DIP2C: variants seen among roughly 807,000 people sequenced by gnomAD.
DIP2C encodes the protein DIP2 acetate--CoA ligase C (putative), also known as disco-interacting protein 2 homolog C.
In DIP2C, 33 loss-of-function variants were observed where a neutral mutation model predicts 192.4. The observed-to-expected ratio is 0.17, with a 90% CI of 0.13 to 0.23. DIP2C has a LOEUF of 0.23. Ranked by LOEUF, DIP2C falls within the 10% of genes least tolerant of loss-of-function variation. The pLI is 1.00. For missense variants in DIP2C, 1,537 were observed against 2,110.1 expected (o/e 0.73, Z 5.32); for synonymous variants, 979 against 864.1 (o/e 1.13, Z -2.33).
intron 1 of DIP2C, among the ~76,000 whole-genome samples, chr10:685,135 CAAA>C (rs140709069): frequency 1.2e-4 from 9 of 72,942 alleles, no homozygotes; most frequent in Admixed American, 4.0e-4. Flanking sequence ...ACTTGGTCCC[CAAA>C]AAAAAAAAAA....
At chr10:658,056 C>CCTGGACCTGACG (rs1588701354) in intron 1 of DIP2C, among the ~76,000 whole-genome samples, 7 of 147,914 alleles carry the variant, frequency 4.7e-5, no homozygotes, top group Non-Finnish European at 1.5e-5. Flanking sequence ...TGGACCTGTC[C>CCTGGACCTGACG]CTGGACCTGA....
At chr10:302,464 G>A (rs1956097328) in intron 32 of DIP2C, among the ~76,000 whole-genome samples, 1 of 152,166 alleles carries the variant, frequency 6.6e-6, no homozygotes, top group Non-Finnish European at 1.5e-5. Context: ...TGAGGGTGAG[G>A]CTCCTGGGTA....
chr10:455,019 C>T (rs953470318), intron 3 of DIP2C, among the ~76,000 whole-genome samples: 5 of 152,220 alleles, frequency 3.3e-5, no homozygotes, highest in Admixed American at 1.3e-4. Flanking sequence ...CAGCATTACA[C>T]AGTGAGCACA....
chr10:311,746 A>T (rs1956576461), intron 31 of DIP2C, among the ~76,000 whole-genome samples: 1 of 152,196 alleles, frequency 6.6e-6, no homozygotes, highest in Non-Finnish European at 1.5e-5. Flanking sequence ...ATCAAAAACA[A>T]CATCAAATAT....
intron 29 of DIP2C, among the ~76,000 whole-genome samples, chr10:339,312 G>A (rs1294516522): frequency 6.6e-6 from 1 of 152,020 alleles, no homozygotes; most frequent in Non-Finnish European, 1.5e-5. Flanking sequence ...AAGATTCATG[G>A]CTATATTTAT....
At chr10:284,825 A>G (rs556755005) in intron 34 of DIP2C, among the ~76,000 whole-genome samples, 2 of 152,236 alleles carry the variant, frequency 1.3e-5, no homozygotes, top group Non-Finnish European at 2.9e-5. Flanking sequence ...TATACATCAA[A>G]GCATCACAGT....
chr10:434,575 T>G (rs865976219), intron 4 of DIP2C, among the ~76,000 whole-genome samples: 2 of 152,246 alleles, frequency 1.3e-5, no homozygotes, highest in African/African-American at 2.4e-5. Flanking sequence ...ACACAGACTC[T>G]GCTCTTCCTT....
At chr10:291,531 A>G (rs747304519) in intron 32 of DIP2C, among the ~76,000 whole-genome samples, 1 of 152,232 alleles carries the variant, frequency 6.6e-6, no homozygotes, top group Admixed American at 6.5e-5. Flanking sequence ...ACTAGGAGAT[A>G]TATTTGTAAC....
chr10:364,843 G>A (rs1331164300), intron 19 of DIP2C: 4 of 641,092 alleles, frequency 6.2e-6, no homozygotes, highest in Non-Finnish European at 1.2e-5. Flanking sequence ...TCTGAACCCT[G>A]AACAGATAAC....
intron 1 of DIP2C, chr10:664,641 G>T (rs540689335): frequency 1.3e-5 from 2 of 152,290 alleles, no homozygotes; most frequent in African/African-American, 4.8e-5. Flanking sequence ...ACTAAGAGTT[G>T]TAAGGATGAT....
At chr10:501,740 A>G (rs923619365) in intron 1 of DIP2C, among the ~76,000 whole-genome samples, 3 of 152,266 alleles carry the variant, frequency 2.0e-5, no homozygotes, top group Admixed American at 6.5e-5. Context: ...TAGGCACCGC[A>G]ATATCCATTC....
chr10:430,539 A>G (rs1966847154), intron 4 of DIP2C: 1 of 152,126 alleles, frequency 6.6e-6, no homozygotes, highest in Non-Finnish European at 1.5e-5. Context: ...TTGTTTTGTT[A>G]TTGTTGACTT....
intron 1 of DIP2C, among the ~76,000 whole-genome samples, chr10:502,213 C>A (rs1845284556): frequency 6.6e-6 from 1 of 152,040 alleles, no homozygotes; most frequent in Admixed American, 6.6e-5. Flanking sequence ...CCTGATAAGC[C>A]CAATCATTTA....
chr10:318,491 T>C (rs1465712023), intron 31 of DIP2C, among the ~76,000 whole-genome samples: 1 of 152,150 alleles, frequency 6.6e-6, no homozygotes. Flanking sequence ...AGGTGTGGTG[T>C]CCTCACAAGA....
chr10:287,313 G>A (rs1463503272), intron 33 of DIP2C, among the ~76,000 whole-genome samples: 1 of 152,084 alleles, frequency 6.6e-6, no homozygotes, highest in South Asian at 2.1e-4. Context: ...CTTATATAAG[G>A]AATCAAAGGT....
chr10:451,001 C>G (rs368453907), intron 3 of DIP2C, among the ~76,000 whole-genome samples: 6 of 152,132 alleles, frequency 3.9e-5, no homozygotes, highest in African/African-American at 1.2e-4. Flanking sequence ...ATAACGGCAT[C>G]GTCTAAATTC....
intron 1 of DIP2C, among the ~76,000 whole-genome samples, chr10:506,812 C>A (rs1364618933): frequency 6.6e-6 from 1 of 152,224 alleles, no homozygotes; most frequent in Non-Finnish European, 1.5e-5. Flanking sequence ...GAGCCCCTCA[C>A]TGAAGTGGGT....
intron 10 of DIP2C, among the ~76,000 whole-genome samples, chr10:397,655 G>A (rs571995397): frequency 2.2e-4 from 34 of 152,288 alleles, no homozygotes; most frequent in Non-Finnish European, 2.9e-4. Flanking sequence ...ACGACTGGCC[G>A]CCTACAGGGA....
intron 3 of DIP2C, among the ~76,000 whole-genome samples, chr10:461,993 G>A (rs990182947): frequency 6.6e-6 from 1 of 152,040 alleles, no homozygotes; most frequent in African/African-American, 2.4e-5. Flanking sequence ...GAGAACAAAA[G>A]ACAATGTACC....
Sources: gnomAD v4.1 joint callset for allele counts (sites outside exome capture counted in the v4.1 genomes callset) on GRCh38, gnomAD v4.1.1 for gene constraint, MANE v1.5 for transcripts, NCBI Gene and HGNC (gene_info 2026-07-23, HGNC 2026-07-21) for gene names.